Variants in SLC25A26 observed in about 807,000 individuals in gnomAD.
SLC25A26 encodes solute carrier family 25 member 26.
In SLC25A26, 36 loss-of-function variants were observed where a neutral mutation model predicts 37.8. That is an observed-to-expected ratio of 0.95 (90% CI 0.73 to 1.26). The LOEUF is 1.26. Among genes scored for constraint, SLC25A26 ranks in the 50% most tolerant of loss-of-function variants. SLC25A26 has a pLI of 0.00. For synonymous variants in SLC25A26, 129 were observed against 122.5 expected (o/e 1.05, Z -0.35); for missense variants, 390 against 331.1 (o/e 1.18, Z -1.38).
chr3:66,231,090 G>A (rs554406910), intron 1 of SLC25A26, among the ~76,000 whole-genome samples: 3 of 152,070 alleles, frequency 2.0e-5, no homozygotes, highest in African/African-American at 4.8e-5. Flanking sequence ...CAGGAGAATC[G>A]CTTGAACCTG....
At chr3:66,202,324 A>G (rs1217204904) in intron 1 of SLC25A26, among the ~76,000 whole-genome samples, 1 of 152,048 alleles carries the variant, frequency 6.6e-6, no homozygotes, top group Non-Finnish European at 1.5e-5. Flanking sequence ...GAAGACATGC[A>G]TATAGGGAGG....
intron 5 of SLC25A26, among the ~76,000 whole-genome samples, chr3:66,343,752 C>G (rs548551958): frequency 6.6e-6 from 1 of 152,146 alleles, no homozygotes; most frequent in Non-Finnish European, 1.5e-5. Context: ...TCTTACTAAT[C>G]CATAATCATA....
chr3:66,209,513 AT>A (rs1389059186), intron 1 of SLC25A26, among the ~76,000 whole-genome samples: 2 of 142,184 alleles, frequency 1.4e-5, no homozygotes, highest in African/African-American at 5.0e-5. Context: ...ATAGTTATAT[AT>A]TCTTTGTGTT....
chr3:66,172,372 T>C (rs1012278583), intron 1 of SLC25A26, among the ~76,000 whole-genome samples: 3 of 130,478 alleles, frequency 2.3e-5, no homozygotes, highest in East Asian at 2.4e-4. Flanking sequence ...GTTTGCACCA[T>C]TGTACTCCAG....
chr3:66,378,045 T>C lies in SLC25A26; in HGVS notation c.*238T>C. ...TGTGGCGGTACTCTGAACAATTTCC[T>C]CAGAACCTCTTAATAAATAAGTTTG... On this transcript the variant is annotated 3_prime_UTR_variant, in exon 10 of 10. Coordinates refer to ENST00000354883, the MANE Select transcript of SLC25A26 (RefSeq NM_001379210.1). 2.4e-6 allele frequency: 1 copy of C among 422,130 alleles called. No individual in the cohort carries two copies. Among genetic ancestry groups the C allele is most frequent in the Non-Finnish European group, 4.2e-6 (1 of 235,402 alleles). The allele number at this position is 422,130 out of a possible 1,614,324, so 26.1% of individuals were successfully genotyped here. A position where few individuals can be genotyped will look rare whatever the true frequency, so the allele number is the denominator to read the frequency against.
intron 1 of SLC25A26, among the ~76,000 whole-genome samples, chr3:66,148,422 T>C (rs1356555851): frequency 6.6e-6 from 1 of 152,138 alleles, no homozygotes; most frequent in East Asian, 1.9e-4. Context: ...TGGGGAAAGC[T>C]TGGGGCTGAC....
chr3:66,267,298 G>A (rs1263083996), intron 5 of SLC25A26, among the ~76,000 whole-genome samples: 1 of 152,218 alleles, frequency 6.6e-6, no homozygotes, highest in Admixed American at 6.5e-5. Context: ...AAAGCCATAA[G>A]GGTGTGAAAG....
chr3:66,317,823 C>T (rs2075581907), intron 5 of SLC25A26, among the ~76,000 whole-genome samples: 1 of 152,140 alleles, frequency 6.6e-6, no homozygotes, highest in Admixed American at 6.5e-5. Flanking sequence ...CTGAAATTCC[C>T]ACAGGGAGGC....
intron 9 of SLC25A26, 129 bp from the exon 10 acceptor site, chr3:66,377,561 G>A: frequency 1.6e-6 from 1 of 631,636 alleles, no homozygotes; most frequent in Admixed American, 2.6e-5. Context: ...TTATTTGGGA[G>A]CGTTCACAAG....
intron 1 of SLC25A26, among the ~76,000 whole-genome samples, chr3:66,213,864 A>T (rs1193195884): frequency 6.6e-6 from 1 of 152,156 alleles, no homozygotes; most frequent in Admixed American, 6.5e-5. Flanking sequence ...CAGGAGGCAG[A>T]GGTTGCAGTG....
At chr3:66,275,014 A>G (rs1471543315) in intron 5 of SLC25A26, among the ~76,000 whole-genome samples, 1 of 152,136 alleles carries the variant, frequency 6.6e-6, no homozygotes. Flanking sequence ...ATGTCCAACA[A>G]TGATAGACTG....
At chr3:66,229,722 G>A (rs1239777019) in intron 1 of SLC25A26, among the ~76,000 whole-genome samples, 3 of 152,200 alleles carry the variant, frequency 2.0e-5, no homozygotes, top group African/African-American at 7.2e-5. Flanking sequence ...CAAAGACCAA[G>A]TTGAAACCGA....
At chr3:66,322,323 G>T (rs923666523) in intron 5 of SLC25A26, among the ~76,000 whole-genome samples, 5 of 152,150 alleles carry the variant, frequency 3.3e-5, no homozygotes, top group African/African-American at 7.2e-5. Flanking sequence ...ACTAGTTAAA[G>T]ATATTAAAGT....
chr3:66,317,939 A>G lies in SLC25A26; in HGVS notation c.454-28425A>G, dbSNP rs375322419. On this transcript the variant is annotated intron_variant, in intron 5 of 9. Coordinates refer to ENST00000354883, the MANE Select transcript of SLC25A26 (RefSeq NM_001379210.1). Reference sequence around the variant, plus strand: ...GATGTGGGGAGTTGCTTCTGGTCCAAACCACCCGGTCTTGCTGGCACTGGT... The same window carrying G: ...GATGTGGGGAGTTGCTTCTGGTCCAGACCACCCGGTCTTGCTGGCACTGGT... 3.2e-4 allele frequency among the ~76,000 whole-genome samples: 49 copies of G among 152,276 alleles called. 1 individual carries two copies. In the East Asian group the frequency reaches 4.8e-3, roughly 15 times the overall value.
chr3:66,369,631 G>T, intron 8 of SLC25A26, 89 bp downstream of exon 8: 3 of 1,153,820 alleles, frequency 2.6e-6, no homozygotes, highest in Non-Finnish European at 3.8e-6. Flanking sequence ...AACACAAATG[G>T]CTACCATTTA....
intron 1 of SLC25A26, among the ~76,000 whole-genome samples, chr3:66,151,331 G>A (rs1191676716): frequency 6.6e-6 from 1 of 152,118 alleles, no homozygotes; most frequent in Middle Eastern, 3.2e-3. Context: ...AGGTTACGAG[G>A]GAAGCAGGGG....
intron 5 of SLC25A26, among the ~76,000 whole-genome samples, chr3:66,270,183 A>G (rs2073908594): frequency 6.6e-6 from 1 of 152,142 alleles, no homozygotes; most frequent in Non-Finnish European, 1.5e-5. Flanking sequence ...TACTTTTCTA[A>G]GATTTCAGTC....
At chr3:66,360,862 C>T (rs542968056) in intron 6 of SLC25A26, among the ~76,000 whole-genome samples, 1 of 152,286 alleles carries the variant, frequency 6.6e-6, no homozygotes, top group South Asian at 2.1e-4. Flanking sequence ...GCCTCCCAAT[C>T]ACAGTCTTAG....
intron 1 of SLC25A26, among the ~76,000 whole-genome samples, chr3:66,167,253 C>T (rs2070437469): frequency 6.6e-6 from 1 of 151,130 alleles, no homozygotes; most frequent in Non-Finnish European, 1.5e-5. Context: ...TTAGACTTTC[C>T]ACACGATCTG....
Sources: allele counts gnomAD v4.1 joint callset (sites outside exome capture counted in the v4.1 genomes callset), GRCh38; gene constraint gnomAD v4.1.1; transcripts MANE v1.5; gene names NCBI Gene and HGNC (gene_info 2026-07-23, HGNC 2026-07-21).